Variants in EOLA1 observed in about 807,000 individuals in gnomAD.
The protein encoded by EOLA1 is protein EOLA1.
A neutral mutation model predicts 4.5 loss-of-function variants in EOLA1; 1 was observed. That is an observed-to-expected ratio of 0.22 (90% confidence interval 0.08 to 1.05). The LOEUF (loss-of-function observed/expected upper bound fraction) is 1.05. Among genes scored for constraint, EOLA1 ranks in the 50% least tolerant of loss-of-function variants. The pLI, the probability that EOLA1 is intolerant of heterozygous loss-of-function variation, is 0.57. For synonymous variants in EOLA1, 37 were observed against 52.3 expected (o/e 0.71, Z 1.26); for missense variants, 69 against 127.2 (o/e 0.54, Z 2.20).
rs1447963411 is a variant in EOLA1 at position 149,545,496 on chromosome X, T to C, written c.-34T>C. 52 of 1,124,375 alleles carry C rather than the reference T, an allele frequency of 4.6e-5. No individual in the cohort carries two copies. The highest frequency in any genetic ancestry group is 5.3e-5 in the Non-Finnish European group (45 of 852,367). 92.7% of individuals were successfully genotyped at this position (1,124,375 alleles called of 1,213,427 possible). On this transcript the variant is annotated 5_prime_UTR_variant, in exon 3 of 5. Transcript: ENST00000393985. ...AGTGACAGACGGAAGCAGGAGACCA[T>C]CAAGGTCAGTGCGATTTAGGCCACC...
At chrX:149,548,406 C>T (rs372261595), downstream of EOLA1, 75 of 932,216 alleles carry the variant, frequency 8.0e-5, 1 homozygote, top group East Asian at 3.3e-4. Context: ...TCCTCCTCAT[C>T]GTCAGAGGGC....
At chrX:149,545,916 G>A (rs782089697) in intron 4 of EOLA1, 33 bp downstream of exon 4, 57 of 1,174,359 alleles carry the variant, frequency 4.9e-5, no homozygotes, top group East Asian at 1.2e-4. Context: ...CGCAGACAAC[G>A]CCTAGGGCTG....
chrX:149,541,999 T>A lies in EOLA1; in HGVS notation c.-229-20T>A. 1 of 746,458 alleles carries A rather than the reference T, an allele frequency of 1.3e-6. No homozygotes were observed. Among genetic ancestry groups the A allele is most frequent in the Non-Finnish European group, 1.6e-6 (1 of 630,405 alleles). The allele number at this position is 746,458 out of a possible 1,213,427, so 61.5% of individuals were successfully genotyped here. On this transcript the variant is annotated intron_variant, in intron 1 of 4. Coordinates refer to ENST00000393985, the MANE Select transcript of EOLA1 (RefSeq NM_001171907.3). ...TCTTGCACTTAATGACCTTTCCTCTTTATCTTCCTTGTTGTGCAGGTAAAG... is the reference window on the plus strand; with the variant it reads ...TCTTGCACTTAATGACCTTTCCTCTATATCTTCCTTGTTGTGCAGGTAAAG...
chrX:149,547,686 T>C lies in EOLA1; in HGVS notation c.*724T>C. 1.4e-6 allele frequency: 1 copy of C among 733,931 alleles called. No homozygotes were observed. Among genetic ancestry groups the C allele is most frequent in the Non-Finnish European group, 1.6e-6 (1 of 622,600 alleles). 60.5% of individuals were successfully genotyped at this position (733,931 alleles called of 1,213,427 possible). Reference sequence around the variant, plus strand: ...TGTTTTATTTTGTAGTAATTTTTTTTTTTTTTTGGTGATTTAGCAAAGTTT... The same window carrying C: ...TGTTTTATTTTGTAGTAATTTTTTTCTTTTTTTGGTGATTTAGCAAAGTTT... On this transcript the variant is annotated 3_prime_UTR_variant, in exon 5 of 5. Transcript: ENST00000393985.
chrX:149,543,509 T>G, intron 2 of EOLA1, among the ~76,000 whole-genome samples: 1 of 73,347 alleles, frequency 1.4e-5, no homozygotes, highest in Non-Finnish European at 2.7e-5. Flanking sequence ...GTGGGGGTGC[T>G]ATCAGGAGAC....
intron 2 of EOLA1, among the ~76,000 whole-genome samples, chrX:149,542,769 C>T (rs1202086137): frequency 9.1e-6 from 1 of 110,245 alleles, no homozygotes; most frequent in Non-Finnish European, 1.9e-5. Flanking sequence ...ATGGCTGAAA[C>T]AAAGGACCAT....
At chrX:149,542,491 G>A (rs1435922255) in intron 2 of EOLA1, among the ~76,000 whole-genome samples, 7 of 110,308 alleles carry the variant, frequency 6.3e-5, no homozygotes, top group African/African-American at 1.3e-4. Context: ...CCAGGCGGCC[G>A]AGGCATTTCC....
downstream of EOLA1, chrX:149,549,599 C>A: frequency 1.0e-6 from 1 of 995,161 alleles, no homozygotes; most frequent in Non-Finnish European, 1.3e-6. Context: ...CCAAAGCTTT[C>A]TTGGGAAGGA....
rs1318546125 is a variant in EOLA1 at position 149,547,149 on chromosome X, G to T, written c.*187G>T. On this transcript the variant is annotated 3_prime_UTR_variant, in exon 5 of 5. Transcript: ENST00000393985. The stretch of plus-strand genomic sequence containing the variant: ...TTTGCTCAGATGAAGGAAGTAGGGG[G>T]TGGGGCTTTCCTTGTGTGATGCCTC... 2 of 1,021,822 alleles carry T rather than the reference G, an allele frequency of 2.0e-6. No individual in the cohort carries two copies. Among genetic ancestry groups the T allele is most frequent in the African/African-American group, 3.9e-5 (2 of 50,725 alleles). The allele number at this position is 1,021,822 out of a possible 1,213,427, so 84.2% of individuals were successfully genotyped here. A position where few individuals can be genotyped will look rare whatever the true frequency, so the allele number is the denominator to read the frequency against.
At chrX:149,540,722 C>T (rs1461799730), upstream of EOLA1, 46 of 110,914 alleles carry the variant, frequency 4.1e-4, no homozygotes, top group African/African-American at 1.4e-3. Context: ...CCTTTTCCTC[C>T]TTCCGGTTCT....
At chrX:149,549,418 T>G, downstream of EOLA1, 1 of 1,164,763 alleles carries the variant, frequency 8.6e-7, no homozygotes, top group Non-Finnish European at 1.1e-6. Flanking sequence ...TTTTGCAGAA[T>G]CCATAGAGGT....
Position 149,542,074 on chromosome X carries a change from C to G in EOLA1, c.-174C>G, listed in dbSNP as rs1283013693. The G allele has an allele frequency of 1.3e-6, 1 of 743,360 alleles. No individual in the cohort carries two copies. Among genetic ancestry groups the G allele is most frequent in the African/African-American group, 2.3e-5 (1 of 43,326 alleles). 61.3% of individuals were successfully genotyped at this position (743,360 alleles called of 1,213,427 possible). ...CCTCTGGCCGTAAAGCAGGTACTCT[C>G]TGCAGCACCAGGTAGGAGGGGACTC... is the stretch of plus-strand genomic sequence containing the variant. On this transcript the variant is annotated 5_prime_UTR_variant, in exon 2 of 5. Coordinates refer to ENST00000393985, the MANE Select transcript of EOLA1 (RefSeq NM_001171907.3).
At chrX:149,548,623 CA>C (rs1370796339), downstream of EOLA1, 1 of 832,607 alleles carries the variant, frequency 1.2e-6, no homozygotes, top group Admixed American at 6.8e-5. Flanking sequence ...GCCCATTTCC[CA>C]GGGGATGCCT....
At chrX:149,541,735 A>C (rs781832210) in intron 1 of EOLA1, 6 of 750,263 alleles carry the variant, frequency 8.0e-6, no homozygotes, top group Non-Finnish European at 9.4e-6. Context: ...CTTCGAATGG[A>C]GCATGCTTGG....
rs781937700 is a variant in EOLA1 at position 149,546,987 on chromosome X, G to T, written c.*25G>T. ...ACAAGTGTGGGCTCCTGAAAGGAAT[G>T]TTCCAGAGAAACCAGCTAAATCATG... is the stretch of plus-strand genomic sequence containing the variant. On this transcript the variant is annotated 3_prime_UTR_variant, in exon 5 of 5. Transcript: ENST00000393985. 4.2e-6 allele frequency: 5 copies of T among 1,204,465 alleles called. No individual in the cohort carries two copies. The highest frequency in any genetic ancestry group is 5.6e-6 in the Non-Finnish European group (5 of 891,945).
chrX:149,545,655 C>A lies in EOLA1; in HGVS notation c.25C>A (p.Arg9=), dbSNP rs782733738. 9 of 1,207,438 alleles carry A rather than the reference C, an allele frequency of 7.5e-6. No homozygotes were observed. In the Admixed American group the frequency reaches 1.5e-4, roughly 20 times the overall value. ...GATGAAGTTTGGCTGCCTCTCCTTCCGGCAGCCTTATGCTGGCTTTGTCTT... is the reference window on the plus strand; with the variant it reads ...GATGAAGTTTGGCTGCCTCTCCTTCAGGCAGCCTTATGCTGGCTTTGTCTT... MKFGCLSF[R]QPYAGFVLNG... The change falls in exon 4 of 5, where the codon CGG becomes AGG. Residue 9 remains arginine (R), a synonymous_variant. Transcript: ENST00000393985.
At chrX:149,549,480 C>T (rs2089897376), downstream of EOLA1, 7 of 1,156,246 alleles carry the variant, frequency 6.1e-6, no homozygotes, top group African/African-American at 3.6e-5. Flanking sequence ...ATCCTCTCTG[C>T]ACCTTTCCGT....
intron 3 of EOLA1, 48 bp downstream of exon 3, chrX:149,545,548 C>T (rs2089824731): frequency 8.5e-7 from 1 of 1,171,529 alleles, no homozygotes; most frequent in African/African-American, 1.8e-5. Context: ...AAGGTCAGGC[C>T]ACTGCCCATG....
rs1403877980 is a variant in EOLA1, at chrX:149,545,480, C to T, written c.-50C>T. On this transcript the variant is annotated 5_prime_UTR_variant, in exon 3 of 5. It adds an upstream start codon to the 5' untranslated region. Coordinates refer to ENST00000393985, the MANE Select transcript of EOLA1 (RefSeq NM_001171907.3). ...TGTGGTGCTGGACATCAGTGACAGA[C>T]GGAAGCAGGAGACCATCAAGGTCAG... 56 of 1,109,346 alleles carry T rather than the reference C, an allele frequency of 5.0e-5. No individual in the cohort carries two copies. The highest frequency in any genetic ancestry group is 3.9e-4 in the East Asian group (12 of 31,144). The allele number at this position is 1,109,346 out of a possible 1,213,427, so 91.4% of individuals were successfully genotyped here.
Sources: allele counts gnomAD v4.1 joint callset (sites outside exome capture counted in the v4.1 genomes callset), GRCh38; gene constraint gnomAD v4.1.1; transcripts MANE v1.5; gene names NCBI Gene and HGNC (gene_info 2026-07-23, HGNC 2026-07-21).